Variants in COG3 observed in about 807,000 individuals in gnomAD.
The protein encoded by COG3 is component of oligomeric golgi complex 3.
A neutral mutation model predicts 114.1 loss-of-function variants in COG3; 32 were observed. The ratio of observed to expected loss-of-function variants is 0.28; its 90% CI spans 0.21 to 0.38. The LOEUF (loss-of-function observed/expected upper bound fraction) is 0.38. Ranked by LOEUF, COG3 falls within the 10% of genes least tolerant of loss-of-function variation. The probability of loss-of-function intolerance (pLI) is 1.00; values close to 1 mark genes in which losing one functional copy is unlikely to be tolerated. For synonymous variants in COG3, 352 were observed against 365.7 expected, an observed-to-expected ratio of 0.96 and a Z score of 0.43; for missense variants, 813 against 973.2, an observed-to-expected ratio of 0.84 and a Z score of 2.19.
intron 17 of COG3, among the ~76,000 whole-genome samples, chr13:45,517,155 G>T (rs2137899409): frequency 6.6e-6 from 1 of 152,034 alleles, no homozygotes; most frequent in East Asian, 1.9e-4. Context: ...AGAGATTTAT[G>T]CTCTGATGCC....
In COG3 at chr13:45,486,186, A is replaced by C. The variant is rs1038389779; in HGVS notation, c.844-309A>C. ...CGTGGCGGTGCGTGCCTGCAATCGC[A>C]GGCATTCGGCAGACTGAGGCAGGAG... On this transcript the variant is annotated intron_variant, in intron 7 of 22. Transcript: ENST00000349995. 6.2e-5 allele frequency among the ~76,000 whole-genome samples: 9 copies of C among 144,624 alleles called. No homozygotes were observed. In the East Asian group the frequency reaches 1.6e-3, roughly 25 times the overall value. The allele number at this position is 144,624 out of a possible 152,430, so 94.9% of individuals were successfully genotyped here. A position where few individuals can be genotyped will look rare whatever the true frequency, so the allele number is the denominator to read the frequency against.
At chr13:45,480,534 A>G (rs184669630) in intron 4 of COG3, among the ~76,000 whole-genome samples, 7 of 152,168 alleles carry the variant, frequency 4.6e-5, no homozygotes, top group Admixed American at 1.3e-4. Flanking sequence ...TGTAGTGGCT[A>G]TGTTGGTTTG....
chr13:45,494,734 C>T (rs1256628983), intron 12 of COG3, among the ~76,000 whole-genome samples: 4 of 152,112 alleles, frequency 2.6e-5, no homozygotes, highest in Admixed American at 6.5e-5. Flanking sequence ...CCATGTTGCC[C>T]AGGCCGGTCT....
At chr13:45,525,202 G>A (rs1419631850) in intron 20 of COG3, 151 bp downstream of exon 20, 4 of 555,412 alleles carry the variant, frequency 7.2e-6, no homozygotes, top group South Asian at 3.3e-5. Context: ...GGAGCTGACA[G>A]GTCTTAATTG....
At chr13:45,505,642 AGAGAT>A (rs1408057268) in intron 14 of COG3, among the ~76,000 whole-genome samples, 1 of 151,312 alleles carries the variant, frequency 6.6e-6, no homozygotes, top group Non-Finnish European at 1.5e-5. Context: ...TTTCTTTCAA[AGAGAT>A]GAGGTCTCGC....
chr13:45,535,494 A>T lies in COG3; in HGVS notation c.*763A>T. On this transcript the variant is annotated 3_prime_UTR_variant, in exon 23 of 23. Transcript: ENST00000349995. ...TGTGTGTTTGTGAGTGCGAAGTACCAATTAAGGTGTCTTAAATTTGGCGCA... is the reference window on the plus strand; with the variant it reads ...TGTGTGTTTGTGAGTGCGAAGTACCTATTAAGGTGTCTTAAATTTGGCGCA... 1.0e-6 allele frequency: 1 copy of T among 985,500 alleles called. No individual in the cohort carries two copies. The highest frequency in any genetic ancestry group is 1.2e-6 in the Non-Finnish European group (1 of 829,980). The allele number at this position is 985,500 out of a possible 1,614,324, so 61.0% of individuals were successfully genotyped here. A position where few individuals can be genotyped will look rare whatever the true frequency, so the allele number is the denominator to read the frequency against.
chr13:45,500,094 G>GTGTGTGTATATATATA (rs1321310200), intron 13 of COG3, among the ~76,000 whole-genome samples: 1 of 114,840 alleles, frequency 8.7e-6, no homozygotes, highest in African/African-American at 3.5e-5. Flanking sequence ...GTGTGTGTGT[G>GTGTGTGTATATATATA]TATATATATA....
At chr13:45,496,400 A>T in intron 13 of COG3, 88 bp downstream of exon 13, 5 of 1,039,526 alleles carry the variant, frequency 4.8e-6, no homozygotes, top group Non-Finnish European at 4.9e-6. Flanking sequence ...TATATATTAA[A>T]ATAGAGACAG....
In COG3 at chr13:45,477,152, C is replaced by T. The variant is rs113995427; in HGVS notation, c.321+805C>T. 5.3e-3 allele frequency among the ~76,000 whole-genome samples: 812 copies of T among 152,182 alleles called. 4 individuals carry two copies. The highest frequency in any genetic ancestry group is 0.019 in the African/African-American group (783 of 41,534). ...TTTGTGAGCGTTAAATACGATAATG[C>T]ATGTAAATTCGTTGTGTAGCAAGTA... On this transcript the variant is annotated intron_variant, in intron 2 of 22. Transcript: ENST00000349995.
intron 10 of COG3, among the ~76,000 whole-genome samples, chr13:45,491,742 G>T (rs1887030364): frequency 6.6e-6 from 1 of 152,112 alleles, no homozygotes; most frequent in Non-Finnish European, 1.5e-5. Flanking sequence ...TTTGAGATAA[G>T]AAGATTCACA....
At chr13:45,512,405 C>T (rs1005380958) in intron 16 of COG3, among the ~76,000 whole-genome samples, 2 of 152,148 alleles carry the variant, frequency 1.3e-5, no homozygotes, top group Non-Finnish European at 2.9e-5. Flanking sequence ...GATCATAGCT[C>T]ACTGCAGCCT....
chr13:45,472,301 G>T (rs1439811150), intron 1 of COG3, among the ~76,000 whole-genome samples: 1 of 152,082 alleles, frequency 6.6e-6, no homozygotes, highest in East Asian at 1.9e-4. Context: ...AGAGGGGTTT[G>T]CCTGTGTGTA....
chr13:45,523,205 A>G (rs1872354529), intron 19 of COG3, among the ~76,000 whole-genome samples: 1 of 151,782 alleles, frequency 6.6e-6, no homozygotes, highest in South Asian at 2.1e-4. Flanking sequence ...ACTTATATAT[A>G]GAAAATATTC....
chr13:45,518,281 A>G (rs917774784), intron 17 of COG3, among the ~76,000 whole-genome samples: 1 of 152,230 alleles, frequency 6.6e-6, no homozygotes, highest in African/African-American at 2.4e-5. Flanking sequence ...GACCTCAGCT[A>G]ATACTTCACA....
intron 8 of COG3, among the ~76,000 whole-genome samples, 165 bp from the exon 9 acceptor site, chr13:45,490,750 T>C (rs869278211): frequency 6.6e-6 from 1 of 151,968 alleles, no homozygotes; most frequent in Non-Finnish European, 1.5e-5. Context: ...AAAGAAAATA[T>C]ACTGAAATGC....
intron 8 of COG3, among the ~76,000 whole-genome samples, chr13:45,487,426 A>G (rs1886736268): frequency 6.6e-6 from 1 of 152,226 alleles, no homozygotes; most frequent in Admixed American, 6.5e-5. Flanking sequence ...CTGCCCAACA[A>G]AGGAAAACAA....
chr13:45,491,246 G>T (rs1197632782), intron 9 of COG3, among the ~76,000 whole-genome samples, 166 bp from the exon 10 acceptor site: 4 of 152,166 alleles, frequency 2.6e-5, no homozygotes, highest in African/African-American at 9.7e-5. Flanking sequence ...ATTATGGTTT[G>T]CTTTTGTTTT....
At chr13:45,495,760 C>A (rs1231683005) in intron 12 of COG3, among the ~76,000 whole-genome samples, 2 of 152,078 alleles carry the variant, frequency 1.3e-5, no homozygotes, top group Non-Finnish European at 2.9e-5. Context: ...AAAATGTTAA[C>A]AAGTCATTCA....
chr13:45,472,254 T>A (rs1431064097), intron 1 of COG3, among the ~76,000 whole-genome samples: 1 of 152,212 alleles, frequency 6.6e-6, no homozygotes, highest in Non-Finnish European at 1.5e-5. Context: ...TTCAAGCTTT[T>A]ATCTTTGGTT....
Sources: gnomAD v4.1 joint callset for allele counts (sites outside exome capture counted in the v4.1 genomes callset) on GRCh38, gnomAD v4.1.1 for gene constraint, MANE v1.5 for transcripts, NCBI Gene and HGNC (gene_info 2026-07-23, HGNC 2026-07-21) for gene names.